Variants in DIP2C observed in about 807,000 individuals in gnomAD.
DIP2C encodes the protein DIP2 acetate--CoA ligase C (putative).
Under a neutral mutation model 192.4 loss-of-function variants are expected in DIP2C, and 33 were observed. That is an observed-to-expected ratio of 0.17 (90% CI 0.13 to 0.23). The LOEUF (loss-of-function observed/expected upper bound fraction) is 0.23, where lower values mean the gene tolerates loss of function less well. Ranked by LOEUF, DIP2C falls within the 10% of genes least tolerant of loss-of-function variation. The probability of loss-of-function intolerance (pLI) is 1.00; values close to 1 mark genes in which losing one functional copy is unlikely to be tolerated. For synonymous variants in DIP2C, 979 were observed against 864.1 expected (o/e 1.13, Z -2.33); for missense variants, 1,537 against 2,110.1 (o/e 0.73, Z 5.32).
Position 387,814 on chromosome 10 carries a change from A to G in DIP2C, c.1598-5T>C. ...GCACATTCACAATGGTTTCAGCTGC[A>G]CAACAGAGGGAGTCAGGAGATTTTT... On this transcript the variant is annotated splice_polypyrimidine_tract_variant and splice_region_variant and intron_variant, in intron 13 of 36. Transcript: ENST00000280886. The G allele has an allele frequency of 6.2e-7, 1 of 1,614,214 alleles. No individual in the cohort carries two copies. The highest frequency in any genetic ancestry group is 8.5e-7 in the Non-Finnish European group (1 of 1,180,018).
intron 1 of DIP2C, among the ~76,000 whole-genome samples, chr10:620,209 T>C (rs1238528628): frequency 6.6e-6 from 1 of 152,252 alleles, no homozygotes; most frequent in East Asian, 1.9e-4. Flanking sequence ...TCAATTTTTA[T>C]GGCTTTTTTC....
chr10:555,445 G>A (rs1483285894), intron 1 of DIP2C, among the ~76,000 whole-genome samples: 3 of 152,160 alleles, frequency 2.0e-5, no homozygotes, highest in East Asian at 1.9e-4. Context: ...ATCCTCAGTC[G>A]CCGAATCTCC....
Position 383,138 on chromosome 10 carries a change from A to G in DIP2C, c.1877-377T>C, listed in dbSNP as rs568254073. On this transcript the variant is annotated intron_variant, in intron 16 of 36. Coordinates refer to ENST00000280886, the MANE Select transcript of DIP2C (RefSeq NM_014974.3). ...TGAGGTCGAGGCACAATTATCAAGA[A>G]CATATCAGCTAAACTATCTCCAAAT... Among the ~76,000 whole-genome samples the G allele has an allele frequency of 1.5e-3, 226 of 152,368 alleles. 1 individual carries two copies. The highest frequency in any genetic ancestry group is 5.2e-3 in the African/African-American group (218 of 41,588).
chr10:475,963 C>T (rs952397201), intron 2 of DIP2C, among the ~76,000 whole-genome samples: 2 of 152,200 alleles, frequency 1.3e-5, no homozygotes, highest in African/African-American at 4.8e-5. Flanking sequence ...ATCACTAAGA[C>T]GCATGACTGC....
chr10:394,900 G>T (rs1461040672), intron 10 of DIP2C, among the ~76,000 whole-genome samples: 1 of 148,110 alleles, frequency 6.8e-6, no homozygotes, highest in Non-Finnish European at 1.5e-5. Context: ...AGGAGGGAAG[G>T]TGACCGTATG....
chr10:538,214 G>C lies in DIP2C; in HGVS notation c.86-51684C>G, dbSNP rs143240012. Among the ~76,000 whole-genome samples the C allele has an allele frequency of 5.3e-5, 8 of 152,338 alleles. No individual in the cohort carries two copies. In the East Asian group the frequency reaches 1.5e-3, roughly 29 times the overall value. On this transcript the variant is annotated intron_variant, in intron 1 of 36. Coordinates refer to ENST00000280886, the MANE Select transcript of DIP2C (RefSeq NM_014974.3). ...GCTCTGTCACCCAGGCTGGCATGCA[G>C]TGGCACAATGATAGCTCACACCAGC...
rs900839067 is a variant in DIP2C at position 666,308 on chromosome 10, G to A, written c.85+23186C>T. 1 of 152,278 alleles carries A rather than the reference G, an allele frequency of 6.6e-6. No homozygotes were observed. The highest frequency in any genetic ancestry group is 2.4e-5 in the African/African-American group (1 of 41,444). 9.4% of individuals were successfully genotyped at this position (152,278 alleles called of 1,614,324 possible). A position where few individuals can be genotyped will look rare whatever the true frequency, so the allele number is the denominator to read the frequency against. ...TCCCTGGAAAAGCAACGAGGCGAAC[G>A]GCTGGTCTGCGTTCAGAGCTGGTGA... On this transcript the variant is annotated intron_variant, in intron 1 of 36. Transcript: ENST00000280886. The surrounding 1 kb of genome is among the most constrained non-coding windows in gnomAD (Gnocchi z 4.1).
intron 1 of DIP2C, chr10:650,165 A>G (rs1363045957): frequency 1.4e-6 from 1 of 717,378 alleles, no homozygotes; most frequent in Admixed American, 2.0e-5. Context: ...ACCCCAGCAG[A>G]GTCAACACTG....
At chr10:436,767 TCCGCCCACAC>T (rs1967255032) in intron 4 of DIP2C, among the ~76,000 whole-genome samples, 2 of 119,640 alleles carry the variant, frequency 1.7e-5, no homozygotes, top group South Asian at 2.5e-4. Flanking sequence ...GGTGATATGC[TCCGCCCACAC>T]CTGAGCTCTC....
chr10:514,543 C>G (rs1846229926), intron 1 of DIP2C, among the ~76,000 whole-genome samples: 1 of 152,240 alleles, frequency 6.6e-6, no homozygotes, highest in East Asian at 1.9e-4. Flanking sequence ...CACCGCATGG[C>G]CGTCCGTGTC....
intron 17 of DIP2C, among the ~76,000 whole-genome samples, chr10:372,526 A>C (rs112348836): frequency 0.029 from 4,415 of 152,362 alleles, 112 homozygotes; most frequent in Non-Finnish European, 0.043. Context: ...GAATATGTTC[A>C]TATTAGCCAC....
At position 558,690 on chromosome 10, in the gene DIP2C, C is replaced by T. The variant is rs369316618; in HGVS notation, c.86-72160G>A. The stretch of plus-strand genomic sequence containing the variant: ...GTGGACCAACATCTCGGAAATCAGA[C>T]ACTGTAACATGCTTATCTATACAGG... On this transcript the variant is annotated intron_variant, in intron 1 of 36. Coordinates refer to ENST00000280886, the MANE Select transcript of DIP2C (RefSeq NM_014974.3). Among the ~76,000 whole-genome samples the T allele has an allele frequency of 3.2e-4, 49 of 152,318 alleles. No homozygotes were observed. The South Asian group carries it at 3.9e-3, about 12-fold the overall frequency.
chr10:358,567 G>A (rs1342782937), intron 22 of DIP2C, among the ~76,000 whole-genome samples: 4 of 85,504 alleles, frequency 4.7e-5, no homozygotes, highest in African/African-American at 2.0e-4. Context: ...GCGATGAGAT[G>A]ACTACCAACT....
chr10:668,180 A>T (rs1857225121), intron 1 of DIP2C: 1 of 151,988 alleles, frequency 6.6e-6, no homozygotes, highest in Non-Finnish European at 1.5e-5. Context: ...GCATACACAT[A>T]ATACATGCAA....
chr10:598,300 C>T (rs1851839245), intron 1 of DIP2C, among the ~76,000 whole-genome samples: 1 of 152,222 alleles, frequency 6.6e-6, no homozygotes, highest in African/African-American at 2.4e-5. Flanking sequence ...CCTCTCTTCC[C>T]ACCCCGAGGG....
chr10:357,209 A>T (rs1404640023), intron 23 of DIP2C, among the ~76,000 whole-genome samples: 3 of 152,246 alleles, frequency 2.0e-5, no homozygotes, highest in African/African-American at 7.2e-5. Context: ...AACGGTTCTA[A>T]TGGGGACCGT....
At chr10:456,563 C>T (rs1202620118) in intron 3 of DIP2C, among the ~76,000 whole-genome samples, 3 of 152,324 alleles carry the variant, frequency 2.0e-5, no homozygotes, top group Admixed American at 6.5e-5. Context: ...TAAGATGCTC[C>T]TCCTGGTTAG....
chr10:383,353 G>A (rs965232329), intron 16 of DIP2C, among the ~76,000 whole-genome samples: 3 of 152,154 alleles, frequency 2.0e-5, no homozygotes, highest in African/African-American at 7.2e-5. Flanking sequence ...AAACATGAAC[G>A]TTGCATGTTT....
intron 6 of DIP2C, among the ~76,000 whole-genome samples, chr10:417,379 A>G (rs1179492038): frequency 6.6e-6 from 1 of 152,228 alleles, no homozygotes; most frequent in Non-Finnish European, 1.5e-5. Flanking sequence ...GACTTGAAAG[A>G]CGACAAAGTT....
Sources: allele counts gnomAD v4.1 joint callset (sites outside exome capture counted in the v4.1 genomes callset), GRCh38; gene constraint gnomAD v4.1.1; non-coding constraint Gnocchi (gnomAD v3.1); transcripts MANE v1.5; gene names NCBI Gene and HGNC (gene_info 2026-07-23, HGNC 2026-07-21).